Variants in GCLC observed in about 807,000 individuals in gnomAD.
GCLC encodes the protein glutamate--cysteine ligase catalytic subunit.
Under a neutral mutation model 81.5 loss-of-function variants are expected in GCLC, and 30 were observed. That is an observed-to-expected ratio of 0.37 (90% confidence interval 0.28 to 0.50). GCLC has a LOEUF of 0.50. Ranked by LOEUF, GCLC falls within the 20% of genes least tolerant of loss-of-function variation. GCLC has a pLI of 0.96. For missense variants in GCLC, 556 were observed against 777.4 expected, an observed-to-expected ratio of 0.72 and a Z score of 3.39; for synonymous variants, 262 against 273.3, an observed-to-expected ratio of 0.96 and a Z score of 0.41.
intron 3 of GCLC, among the ~76,000 whole-genome samples, chr6:53,519,038 C>T (rs1377151599): frequency 6.6e-6 from 1 of 152,222 alleles, no homozygotes; most frequent in Non-Finnish European, 1.5e-5. Flanking sequence ...AGCTCCCTCA[C>T]TCACCTCCTA....
intron 4 of GCLC, 51 bp from the exon 5 acceptor site, chr6:53,514,548 T>C (rs1764826989): frequency 1.5e-6 from 2 of 1,303,838 alleles, no homozygotes; most frequent in Non-Finnish European, 2.2e-6. Flanking sequence ...AGTCATCGTG[T>C]AAAAGAAGAA....
intron 12 of GCLC, among the ~76,000 whole-genome samples, chr6:53,502,504 G>A (rs1764532793): frequency 6.6e-6 from 1 of 152,198 alleles, no homozygotes; most frequent in African/African-American, 2.4e-5. Context: ...CTCTTTTCAT[G>A]TTACATTTCA....
intron 1 of GCLC, among the ~76,000 whole-genome samples, chr6:53,523,022 G>A (rs1366984897): frequency 1.3e-5 from 2 of 152,200 alleles, no homozygotes; most frequent in Admixed American, 6.5e-5. Context: ...CTTTTGGAGA[G>A]TTAAATCATA....
At position 53,505,430 on chromosome 6, in the gene GCLC, G is replaced by T; in HGVS notation, c.1357C>A (p.Leu453Ile). 1 of 1,603,328 alleles carries T rather than the reference G, an allele frequency of 6.2e-7. No homozygotes were observed. Among genetic ancestry groups the T allele is most frequent in the Non-Finnish European group, 8.5e-7 (1 of 1,170,396 alleles). Residue 453 changes from leucine (L) to isoleucine (I), a missense_variant, in exon 12 of 16, where the codon CTT becomes ATT. By Grantham distance (5) the Leu-to-Ile change is conservative. Coordinates refer to ENST00000650454, the MANE Select transcript of GCLC (RefSeq NM_001498.4). ...ATGAGAAAATCCAATTTGTAGGAAAGGATCACTCTGGTGAGCAGTACCACA... is the reference window on the plus strand; with the variant it reads ...ATGAGAAAATCCAATTTGTAGGAAATGATCACTCTGGTGAGCAGTACCACA... ...VFVVLLTRVI[L>I]SYKLDFLIPL... is the part of the protein sequence containing the mutation.
chr6:53,520,975 T>C lies in GCLC; in HGVS notation c.264-15A>G. On this transcript the variant is annotated splice_polypyrimidine_tract_variant and intron_variant, in intron 2 of 15. Coordinates refer to ENST00000650454, the MANE Select transcript of GCLC (RefSeq NM_001498.4). ...GGGTAGGATGGCTACGGAGGAGAAA[T>C]AACTTAGTTCCATCTTATTCTTTTG... is the stretch of plus-strand genomic sequence containing the variant. The C allele has an allele frequency of 6.3e-7, 1 of 1,599,952 alleles. No individual in the cohort carries two copies. The highest frequency in any genetic ancestry group is 8.6e-7 in the Non-Finnish European group (1 of 1,167,016).
At chr6:53,500,936 G>A (rs1446806104) in intron 12 of GCLC, 5 of 308,090 alleles carry the variant, frequency 1.6e-5, no homozygotes, top group Non-Finnish European at 3.1e-5. Context: ...GTTTTTTTGA[G>A]ATGGAGTCTC....
intron 1 of GCLC, among the ~76,000 whole-genome samples, chr6:53,540,667 CCACACACACA>C (rs35480206): frequency 6.9e-5 from 10 of 143,914 alleles, no homozygotes; most frequent in East Asian, 2.1e-4. Context: ...AAGTGTCTTG[CCACACACACA>C]CACACACACA....
chr6:53,535,103 C>A (rs1489197226), intron 1 of GCLC, among the ~76,000 whole-genome samples: 2 of 152,202 alleles, frequency 1.3e-5, no homozygotes, highest in Non-Finnish European at 2.9e-5. Flanking sequence ...ATGCCATTAG[C>A]CAGGTGAGGT....
chr6:53,544,588 C>T lies in GCLC; in HGVS notation c.58G>A (p.Asp20Asn), dbSNP rs1460342918. 3 of 1,605,366 alleles carry T rather than the reference C, an allele frequency of 1.9e-6. No homozygotes were observed. The highest frequency in any genetic ancestry group is 2.5e-6 in the Non-Finnish European group (3 of 1,179,606). Residue 20 changes from aspartate (D) to asparagine (N), a missense_variant, in exon 1 of 16, where the codon GAC becomes AAC. Physicochemically the swap from Asp to Asn is conservative, Grantham distance 23. Coordinates refer to ENST00000650454, the MANE Select transcript of GCLC (RefSeq NM_001498.4). Reference protein sequence around the residue: ...LSWEETKRHADHVRRHGILQF... With the variant: ...LSWEETKRHANHVRRHGILQF... ...AGGATCCCGTGCCGCCGCACGTGGT[C>T]GGCATGGCGCTTGGTTTCCTCCCAG...
At chr6:53,514,416 C>G in intron 5 of GCLC, 23 bp downstream of exon 5, 1 of 1,603,036 alleles carries the variant, frequency 6.2e-7, no homozygotes, top group Non-Finnish European at 8.5e-7. Context: ...CTCTCCCACC[C>G]CACCACCTCT....
chr6:53,513,862 TC>T (rs886075194), intron 6 of GCLC: 1 of 284,276 alleles, frequency 3.5e-6, no homozygotes, highest in Admixed American at 4.9e-5. Flanking sequence ...TTAAACCACC[TC>T]ACTAGCCTGT....
intron 3 of GCLC, among the ~76,000 whole-genome samples, chr6:53,518,390 A>C (rs1762925037): frequency 6.6e-6 from 1 of 152,166 alleles, no homozygotes; most frequent in African/African-American, 2.4e-5. Context: ...AGCTGGGATT[A>C]CAGGCGCATG....
rs1432965583 is a variant in GCLC, at chr6:53,544,669, C to CCTTCTT, written c.-25_-24insAAGAAG. On this transcript the variant is annotated 5_prime_UTR_variant, in exon 1 of 16. Transcript: ENST00000650454. ...ATGGCCGCCCCCTCCTCCTCCTCCT[C>CCTTCTT]CTCCTCCGGGCTGACGGCGGTCGCC... is the stretch of plus-strand genomic sequence containing the variant. The CCTTCTT allele has an allele frequency of 6.3e-7, 1 of 1,580,434 alleles. No individual in the cohort carries two copies. The highest frequency in any genetic ancestry group is 8.5e-7 in the Non-Finnish European group (1 of 1,171,334).
At chr6:53,505,346 C>G in intron 12 of GCLC, 46 bp downstream of exon 12, 1 of 808,906 alleles carries the variant, frequency 1.2e-6, no homozygotes, top group South Asian at 1.4e-5. Flanking sequence ...ATAAATATAT[C>G]TACAGATAGA....
rs1276274925 is a variant in GCLC, at chr6:53,520,767, T to C, written c.446+11A>G. ...AGAGATCTGCTGGGGCATGTTAATATAGGAACTAACCTGGGAAATGAAGTT... is the reference window on the plus strand; with the variant it reads ...AGAGATCTGCTGGGGCATGTTAATACAGGAACTAACCTGGGAAATGAAGTT... On this transcript the variant is annotated intron_variant, in intron 3 of 15. Coordinates refer to ENST00000650454, the MANE Select transcript of GCLC (RefSeq NM_001498.4). The C allele has an allele frequency of 1.9e-6, 3 of 1,610,068 alleles. No individual in the cohort carries two copies. The highest frequency in any genetic ancestry group is 1.1e-5 in the South Asian group (1 of 90,994).
rs1333018077 is a variant in GCLC, at chr6:53,506,258, AC to A, written c.1198-364del. 9.4e-6 allele frequency: 3 copies of A among 318,528 alleles called. No homozygotes were observed. The highest frequency in any genetic ancestry group is 1.8e-5 in the Non-Finnish European group (3 of 165,450). The allele number at this position is 318,528 out of a possible 1,614,324, so 19.7% of individuals were successfully genotyped here. On this transcript the variant is annotated intron_variant, in intron 10 of 15. Transcript: ENST00000650454. The surrounding 1 kb of genome is among the most constrained non-coding windows in gnomAD (Gnocchi z 4.0). ...TGACACTGGACACTTTCATCTGAGA[AC>A]CCTGTCACATGACAGTTGTTTCCTT...
rs1764489166 is a variant in GCLC, at chr6:53,500,448, C to T, written c.1461G>A (p.Arg487=). Residue 487 remains arginine, a synonymous_variant, in exon 13 of 16, where the codon AGG becomes AGA. Coordinates refer to ENST00000650454, the MANE Select transcript of GCLC (RefSeq NM_001498.4). ...ATGTAATACCTTTGCAAATATCTTTCCTGAAATAAAACATTCCCTGCAAGA... is the reference window on the plus strand; with the variant it reads ...ATGTAATACCTTTGCAAATATCTTTTCTGAAATAAAACATTCCCTGCAAGA... ...DAVLQGMFYF[R]KDICKGGNAV... 1.2e-6 allele frequency: 2 copies of T among 1,610,830 alleles called. No homozygotes were observed. Among genetic ancestry groups the T allele is most frequent in the Non-Finnish European group, 1.7e-6 (2 of 1,177,048 alleles).
In GCLC at chr6:53,514,478, G is replaced by C. The variant is rs773320609; in HGVS notation, c.580C>G (p.Arg194Gly). The C allele has an allele frequency of 1.2e-6, 2 of 1,613,020 alleles. No individual in the cohort carries two copies. The highest frequency in any genetic ancestry group is 1.1e-5 in the South Asian group (1 of 91,052). Residue 194 changes from arginine (R) to glycine (G), a missense_variant, in exon 5 of 16, where the codon CGA becomes GGA. Around this residue, in one of 3 missense-constraint regions of GCLC, gnomAD observed 234 missense variants for 303.8 expected, o/e 0.77. Coordinates refer to ENST00000650454, the MANE Select transcript of GCLC (RefSeq NM_001498.4). ...ACAACCTTTTCTCCTCTCCTATGTC[G>C]GATATTTCTTGTTAAGGTACTAAAA... ...PRFSTLTRNI[R>G]HRRGEKVVIN...
intron 1 of GCLC, among the ~76,000 whole-genome samples, chr6:53,537,331 T>TA (rs1486761027): frequency 6.6e-6 from 1 of 152,340 alleles, no homozygotes; most frequent in African/African-American, 2.4e-5. Flanking sequence ...CAGTGACAGC[T>TA]AAAAAAGATA....
Sources: gnomAD v4.1 joint callset for allele counts (sites outside exome capture counted in the v4.1 genomes callset) on GRCh38, gnomAD v4.1.1 for gene constraint, gnomAD v4.1.1 regional missense constraint, Gnocchi (gnomAD v3.1) non-coding constraint, MANE v1.5 for transcripts, NCBI Gene and HGNC (gene_info 2026-07-23, HGNC 2026-07-21) for gene names.